The following VAV2 variants were observed in gnomAD, a reference collection of about 807,000 sequenced individuals.
VAV2 encodes the protein guanine nucleotide exchange factor VAV2.
A neutral mutation model predicts 132.5 loss-of-function variants in VAV2; 67 were observed. The observed-to-expected ratio is 0.51, with a 90% CI of 0.42 to 0.62. The LOEUF (loss-of-function observed/expected upper bound fraction) is 0.62. Ranked by LOEUF, VAV2 falls within the 20% of genes least tolerant of loss-of-function variation. VAV2 has a pLI of 0.00. For synonymous variants in VAV2, 492 were observed against 443.5 expected (o/e 1.11, Z -1.37); for missense variants, 938 against 1,153.6 (o/e 0.81, Z 2.71).
rs745901764 is a variant in VAV2 at position 133,768,460 on chromosome 9, C to T, written c.2571G>A (p.Lys857=). 1 of 1,613,542 alleles carries T rather than the reference C, an allele frequency of 6.2e-7. No individual in the cohort carries two copies. Among genetic ancestry groups the T allele is most frequent in the African/African-American group, 1.3e-5 (1 of 74,914 alleles). The change falls in exon 29 of 30, where the codon AAG becomes AAA. Residue 857 remains lysine, a synonymous_variant. Coordinates refer to ENST00000371850, the MANE Select transcript of VAV2 (RefSeq NM_001134398.2). This position sits in a 1 kb window ranked among gnomAD's most constrained non-coding sequence, Gnocchi z 5.3. The part of the protein sequence containing the change: ...SRIGGDQGWW[K]GETNGRIGWF... ...CACTCACCCGTCCGTTGGTCTCGCCCTTCCACCAGCCCTGGTCTCCGCCGA... is the reference window on the plus strand; with the variant it reads ...CACTCACCCGTCCGTTGGTCTCGCCTTTCCACCAGCCCTGGTCTCCGCCGA...
intron 1 of VAV2, among the ~76,000 whole-genome samples, chr9:133,968,572 C>G (rs537417113): frequency 1.3e-5 from 2 of 152,178 alleles, no homozygotes; most frequent in East Asian, 3.9e-4. Flanking sequence ...GGGGCCATCC[C>G]CGGGGGCCTG....
intron 1 of VAV2, among the ~76,000 whole-genome samples, chr9:133,971,489 C>T (rs1336688993): frequency 1.3e-5 from 2 of 152,194 alleles, no homozygotes; most frequent in Non-Finnish European, 2.9e-5. Context: ...AGCCAGCCCA[C>T]CCCTCCCAGG....
intron 6 of VAV2, 91 bp downstream of exon 6, chr9:133,810,100 G>GGGT: frequency 6.3e-7 from 1 of 1,580,402 alleles, no homozygotes; most frequent in Non-Finnish European, 8.6e-7. Context: ...GCAGGGTCCC[G>GGGT]AGTTTTCTCA....
chr9:133,990,645 G>A (rs763372685), intron 1 of VAV2, among the ~76,000 whole-genome samples: 1 of 152,184 alleles, frequency 6.6e-6, no homozygotes, highest in Non-Finnish European at 1.5e-5. Flanking sequence ...CTTGGTTCGA[G>A]GCCCAGCCCT....
chr9:133,981,441 G>A (rs1253727696), intron 1 of VAV2, among the ~76,000 whole-genome samples: 1 of 152,184 alleles, frequency 6.6e-6, no homozygotes, highest in Non-Finnish European at 1.5e-5. Context: ...CACTCCCTCA[G>A]GCCGCCCGCT....
At chr9:133,930,381 G>GCCGCCTCCTGGCCTCCACC (rs1343680355) in intron 2 of VAV2, among the ~76,000 whole-genome samples, 1 of 148,316 alleles carries the variant, frequency 6.7e-6, no homozygotes, top group Non-Finnish European at 1.5e-5. Flanking sequence ...CTGCCTCCTT[G>GCCGCCTCCTGGCCTCCACC]CTGCCTCCTG....
Position 133,857,918 on chromosome 9 carries a change from G to A in VAV2, c.380+3456C>T, listed in dbSNP as rs1837446304. On this transcript the variant is annotated intron_variant, in intron 3 of 29. Coordinates refer to ENST00000371850, the MANE Select transcript of VAV2 (RefSeq NM_001134398.2). The surrounding 1 kb of genome is among the most constrained non-coding windows in gnomAD (Gnocchi z 4.0). Reference sequence around the variant, plus strand: ...GGAAAGCCAGGCCCCGGGGAGGAGGGCCTGCAGAGGTCTTCCTGCAAAGCC... The same window carrying A: ...GGAAAGCCAGGCCCCGGGGAGGAGGACCTGCAGAGGTCTTCCTGCAAAGCC... Among the ~76,000 whole-genome samples the A allele has an allele frequency of 6.6e-6, 1 of 152,230 alleles. No homozygotes were observed. The highest frequency in any genetic ancestry group is 1.5e-5 in the Non-Finnish European group (1 of 68,030).
Position 133,776,013 on chromosome 9 carries a change from C to A in VAV2, c.2018+15G>T, listed in dbSNP as rs776855614. 1.7e-5 allele frequency: 27 copies of A among 1,604,492 alleles called. No homozygotes were observed. Among genetic ancestry groups the A allele is most frequent in the Non-Finnish European group, 2.3e-5 (27 of 1,174,102 alleles). On this transcript the variant is annotated intron_variant, in intron 24 of 29. Transcript: ENST00000371850. ...GCCACCAGATGCCCATGTCTGCAGC[C>A]CACGATCCACTCACCAGGGGTATGC...
chr9:133,777,567 G>C, intron 22 of VAV2, 104 bp from the exon 23 acceptor site: 4 of 1,158,758 alleles, frequency 3.5e-6, no homozygotes, highest in Non-Finnish European at 5.0e-6. Flanking sequence ...GCTCCTGGAG[G>C]GTGGGAGAGC....
At chr9:133,780,774 TCA>T (rs1350803341) in intron 19 of VAV2, 64 bp from the exon 20 acceptor site, 1 of 1,253,778 alleles carries the variant, frequency 8.0e-7, no homozygotes, top group African/African-American at 1.6e-5. Flanking sequence ...CGTGCAGCTC[TCA>T]CTCACACCGC....
Position 133,884,705 on chromosome 9 carries a change from G to A in VAV2, c.322-23273C>T, listed in dbSNP as rs1312084474. On this transcript the variant is annotated intron_variant, in intron 2 of 29. Transcript: ENST00000371850. This position sits in a 1 kb window ranked among gnomAD's most constrained non-coding sequence, Gnocchi z 5.3. ...AAAAAACACCTCTGGCTTTAAAAATGTTTTAACTCCAAAGATTTTTAATTA... is the reference window on the plus strand; with the variant it reads ...AAAAAACACCTCTGGCTTTAAAAATATTTTAACTCCAAAGATTTTTAATTA... 6.6e-6 allele frequency among the ~76,000 whole-genome samples: 1 copy of A among 152,196 alleles called. No homozygotes were observed.
chr9:133,850,772 T>C (rs1233645629), intron 3 of VAV2, among the ~76,000 whole-genome samples: 4 of 152,338 alleles, frequency 2.6e-5, no homozygotes, highest in East Asian at 1.9e-4. Context: ...CTCACTGCCC[T>C]GATGTGCCTC....
intron 16 of VAV2, 167 bp from the exon 17 acceptor site, chr9:133,786,052 T>C: frequency 1.4e-6 from 1 of 696,700 alleles, no homozygotes; most frequent in Non-Finnish European, 2.6e-6. Context: ...ACCTGCTCTC[T>C]TGCCCATGCT....
intron 2 of VAV2, among the ~76,000 whole-genome samples, chr9:133,875,402 G>A (rs1023859835): frequency 2.7e-4 from 41 of 152,242 alleles, no homozygotes; most frequent in Admixed American, 4.6e-4. Flanking sequence ...CGGCTAAGGA[G>A]CTCATCAGGC....
chr9:133,938,371 C>T (rs1457780008), intron 2 of VAV2, among the ~76,000 whole-genome samples: 1 of 152,206 alleles, frequency 6.6e-6, no homozygotes, highest in Admixed American at 6.5e-5. Context: ...AACCGTGGAG[C>T]TGCTGGGCTC....
intron 1 of VAV2, among the ~76,000 whole-genome samples, chr9:133,964,022 CATATATATATATATATAT>C (rs10541639): frequency 1.1e-5 from 1 of 93,858 alleles, no homozygotes; most frequent in East Asian, 3.2e-4. Context: ...ATTATTCATT[CATATATATATATATATAT>C]ATATATATAC....
rs141420217 is a variant in VAV2 at position 133,954,834 on chromosome 9, G to GC, written c.205-15616dup. 2.4e-3 allele frequency among the ~76,000 whole-genome samples: 372 copies of GC among 152,272 alleles called. 1 individual carries two copies. The highest frequency in any genetic ancestry group is 8.7e-3 in the African/African-American group (362 of 41,536). ...GTGTATGTATGTGCAGTGTGTGTCT[G>GC]CATTACGATAAATAAAGCTAAGCAA... On this transcript the variant is annotated intron_variant, in intron 1 of 29. Coordinates refer to ENST00000371850, the MANE Select transcript of VAV2 (RefSeq NM_001134398.2).
intron 3 of VAV2, among the ~76,000 whole-genome samples, chr9:133,844,047 G>A (rs1836832512): frequency 1.3e-5 from 2 of 151,998 alleles, no homozygotes; most frequent in African/African-American, 4.8e-5. Flanking sequence ...CCAATCCAGC[G>A]AGGCTGTTTC....
intron 2 of VAV2, among the ~76,000 whole-genome samples, chr9:133,862,017 CAGA>C (rs1837614678): frequency 6.6e-6 from 1 of 152,242 alleles, no homozygotes; most frequent in Non-Finnish European, 1.5e-5. Context: ...GCTCGGGATG[CAGA>C]AGGTCAAGAG....
Sources: gnomAD v4.1 joint callset for allele counts (sites outside exome capture counted in the v4.1 genomes callset) on GRCh38, gnomAD v4.1.1 for gene constraint, Gnocchi (gnomAD v3.1) non-coding constraint, MANE v1.5 for transcripts, NCBI Gene and HGNC (gene_info 2026-07-23, HGNC 2026-07-21) for gene names.